Variants in TNC observed in about 807,000 individuals in gnomAD.
TNC encodes the protein tenascin.
Under a neutral mutation model 202.4 loss-of-function variants are expected in TNC, and 109 were observed. That is an observed-to-expected ratio of 0.54 (90% confidence interval 0.46 to 0.63). The LOEUF (loss-of-function observed/expected upper bound fraction) is 0.63, where lower values mean the gene tolerates loss of function less well. TNC is among the 30% of genes least tolerant of loss of function. The pLI, the probability that TNC is intolerant of heterozygous loss-of-function variation, is 0.00. For synonymous variants in TNC, 1,007 were observed against 1,089.7 expected (o/e 0.92, Z 1.50); for missense variants, 2,756 against 2,833.3 (o/e 0.97, Z 0.62).
chr9:115,031,571 G>C lies in TNC; in HGVS notation c.5902C>G (p.Gln1968Glu). The C allele has an allele frequency of 6.2e-7, 1 of 1,600,894 alleles. No homozygotes were observed. Among genetic ancestry groups the C allele is most frequent in the African/African-American group, 1.3e-5 (1 of 74,398 alleles). The part of the protein sequence containing the change: ...LNGPLRSNMI[Q>E]TIFTTIGLLY... ...TCCTTACTTGTGGTGAAGATGGTCT[G>C]GATCATATTGCTCCTCAGGGGCCCA... is the stretch of plus-strand genomic sequence containing the variant. Residue 1968 changes from glutamine (Q) to glutamate (E), a missense_variant, in exon 23 of 28, where the codon CAG (glutamine) becomes GAG (glutamate). Gln to Glu is a conservative substitution (Grantham distance 29). Transcript: ENST00000350763.
At chr9:115,065,763 G>A (rs1439408403) in intron 10 of TNC, among the ~76,000 whole-genome samples, 1 of 151,994 alleles carries the variant, frequency 6.6e-6, no homozygotes, top group Non-Finnish European at 1.5e-5. Flanking sequence ...TTAGCTGGGT[G>A]TGGTGGCGTG....
chr9:115,107,978 C>T (rs149056654), intron 1 of TNC, among the ~76,000 whole-genome samples: 83 of 152,224 alleles, frequency 5.5e-4, no homozygotes, highest in African/African-American at 2.0e-3. Context: ...TGTTTGCAAA[C>T]ACTTATTAGC....
chr9:115,023,574 G>T (rs920476100), intron 27 of TNC, among the ~76,000 whole-genome samples: 2 of 152,170 alleles, frequency 1.3e-5, no homozygotes, highest in Non-Finnish European at 2.9e-5. Flanking sequence ...GAGATTTAAA[G>T]TCTGTGGACT....
chr9:115,113,202 C>G (rs1837215347), intron 1 of TNC, among the ~76,000 whole-genome samples: 1 of 152,120 alleles, frequency 6.6e-6, no homozygotes, highest in African/African-American at 2.4e-5. Flanking sequence ...GTGTCTAGCC[C>G]TCTCTCTTGT....
intron 10 of TNC, among the ~76,000 whole-genome samples, chr9:115,066,016 T>C (rs1260450944): frequency 6.6e-6 from 1 of 151,980 alleles, no homozygotes; most frequent in East Asian, 1.9e-4. Flanking sequence ...GTTCAAATCA[T>C]TTACATAGAT....
chr9:115,037,475 G>A (rs115617492), intron 20 of TNC, among the ~76,000 whole-genome samples: 4,112 of 152,172 alleles, frequency 0.027, 114 homozygotes, highest in Middle Eastern at 0.054. Flanking sequence ...GGGTACATTA[G>A]CACTGATGGT....
At chr9:115,112,660 G>A (rs927784495) in intron 1 of TNC, 1 of 152,232 alleles carries the variant, frequency 6.6e-6, no homozygotes, top group Non-Finnish European at 1.5e-5. Flanking sequence ...ACCTTCACAA[G>A]ACCATCCCAC....
At chr9:115,065,901 C>CAA (rs35177151) in intron 10 of TNC, among the ~76,000 whole-genome samples, 537 of 44,114 alleles carry the variant, frequency 0.012, no homozygotes, top group Middle Eastern at 0.029. Flanking sequence ...GACTCCATCT[C>CAA]AAAAAAAAAA....
chr9:115,077,422 A>T (rs2133187322), intron 7 of TNC, among the ~76,000 whole-genome samples: 1 of 151,270 alleles, frequency 6.6e-6, no homozygotes, highest in East Asian at 2.0e-4. Context: ...CCATCTCTTG[A>T]CCTCATGATC....
At chr9:115,095,839 T>C (rs1052585349) in intron 1 of TNC, among the ~76,000 whole-genome samples, 27 of 151,150 alleles carry the variant, frequency 1.8e-4, no homozygotes, top group Admixed American at 1.7e-3. Context: ...TCATATTATA[T>C]ATGTAAGTGT....
chr9:115,067,296 T>C (rs1022562626), intron 10 of TNC, among the ~76,000 whole-genome samples: 1 of 152,216 alleles, frequency 6.6e-6, no homozygotes, highest in African/African-American at 2.4e-5. Context: ...AAGTGAAAAT[T>C]AAATCAACCC....
At chr9:115,070,275 A>T (rs1217748801) in intron 10 of TNC, among the ~76,000 whole-genome samples, 9 of 152,174 alleles carry the variant, frequency 5.9e-5, no homozygotes, top group Admixed American at 5.9e-4. Flanking sequence ...GTCATATCTG[A>T]GCTGCTGAGT....
chr9:115,062,761 G>A (rs538919378), intron 13 of TNC, among the ~76,000 whole-genome samples, 156 bp downstream of exon 13: 53 of 152,038 alleles, frequency 3.5e-4, no homozygotes, highest in African/African-American at 1.2e-3. Flanking sequence ...TATTTAGCTA[G>A]TGAGGTGGAA....
intron 22 of TNC, among the ~76,000 whole-genome samples, chr9:115,033,303 G>A (rs1830081845): frequency 6.6e-6 from 1 of 152,138 alleles, no homozygotes; most frequent in African/African-American, 2.4e-5. Context: ...ATACCCAGAG[G>A]CCTTTTTGCA....
At position 115,026,624 on chromosome 9, in the gene TNC, C is replaced by T; in HGVS notation, c.6241G>A (p.Glu2081Lys). 6.2e-7 allele frequency: 1 copy of T among 1,614,008 alleles called. No homozygotes were observed. Among genetic ancestry groups the T allele is most frequent in the Non-Finnish European group, 8.5e-7 (1 of 1,179,960 alleles). The change falls in exon 26 of 28, where the codon GAG becomes AAG. Residue 2081 changes from glutamate (E) to lysine (K), a missense_variant. Transcript: ENST00000350763. ...TTGTCATAGACAGCAAAGGCTGTCTCCCCATGGTCCCGCAGGTCCACCCGG... is the reference window on the plus strand; with the variant it reads ...TTGTCATAGACAGCAAAGGCTGTCTTCCCATGGTCCCGCAGGTCCACCCGG... ...ELRVDLRDHG[E>K]TAFAVYDKFS...
Position 115,086,626 on chromosome 9 carries a change from C to T in TNC, c.1105G>A (p.Gly369Ser), listed in dbSNP as rs747156650. ...CACCTCTTCTCGCTGCAGTCCACACCGGCAAAGCCCTCATCACATACACAC... is the reference window on the plus strand; with the variant it reads ...CACCTCTTCTCGCTGCAGTCCACACTGGCAAAGCCCTCATCACATACACAC... ...GQCVCDEGFAGVDCSEKRCPA... is the reference protein window; with the variant it reads ...GQCVCDEGFASVDCSEKRCPA... The change falls in exon 3 of 28, where the codon GGT becomes AGT. Residue 369 changes from glycine to serine, a missense_variant. Coordinates refer to ENST00000350763, the MANE Select transcript of TNC (RefSeq NM_002160.4). The T allele has an allele frequency of 2.5e-5, 41 of 1,614,056 alleles. No individual in the cohort carries two copies. Among genetic ancestry groups the T allele is most frequent in the Non-Finnish European group, 3.0e-5 (35 of 1,180,048 alleles).
intron 1 of TNC, among the ~76,000 whole-genome samples, chr9:115,117,231 C>T (rs539249714): frequency 5.6e-4 from 85 of 152,230 alleles, no homozygotes; most frequent in Middle Eastern, 6.8e-3. Context: ...TGTGTTCTTT[C>T]CAAAGTACAC....
chr9:115,083,900 C>T (rs944260591), intron 4 of TNC, among the ~76,000 whole-genome samples: 2 of 152,034 alleles, frequency 1.3e-5, no homozygotes, highest in African/African-American at 2.4e-5. Context: ...CCACCATGCC[C>T]GGCCAAATGA....
At chr9:115,082,872 C>T (rs1281455262) in intron 4 of TNC, 65 bp from the exon 5 acceptor site, 43 of 1,104,532 alleles carry the variant, frequency 3.9e-5, no homozygotes, top group South Asian at 2.6e-4. Flanking sequence ...AACGCGGCCA[C>T]GATTCCACTA....
Sources: allele counts gnomAD v4.1 joint callset (sites outside exome capture counted in the v4.1 genomes callset), GRCh38; gene constraint gnomAD v4.1.1; transcripts MANE v1.5; gene names NCBI Gene and HGNC (gene_info 2026-07-23, HGNC 2026-07-21).